The following IL1RAPL2 variants were observed in gnomAD, a reference collection of about 807,000 sequenced individuals.
The protein encoded by IL1RAPL2 is X-linked interleukin-1 receptor accessory protein-like 2.
Under a neutral mutation model 44.1 loss-of-function variants are expected in IL1RAPL2, and 3 were observed. The observed-to-expected ratio is 0.07, with a 90% CI of 0.03 to 0.18. IL1RAPL2 has a LOEUF of 0.18. Among genes scored for constraint, IL1RAPL2 ranks in the 10% least tolerant of loss-of-function variants. The pLI, the probability that IL1RAPL2 is intolerant of heterozygous loss-of-function variation, is 1.00. For synonymous variants in IL1RAPL2, 181 were observed against 178.8 expected (o/e 1.01, Z -0.10); for missense variants, 391 against 496.4 (o/e 0.79, Z 2.02).
At chrX:104,690,581 T>C (rs1203792937) in intron 2 of IL1RAPL2, among the ~76,000 whole-genome samples, 1 of 112,430 alleles carries the variant, frequency 8.9e-6, no homozygotes, top group African/African-American at 3.2e-5. Flanking sequence ...CTGTCCTCCT[T>C]AAGAGGCAAC....
chrX:104,766,717 G>T (rs1932560805), intron 2 of IL1RAPL2, among the ~76,000 whole-genome samples: 1 of 112,419 alleles, frequency 8.9e-6, no homozygotes, highest in Non-Finnish European at 1.9e-5. Context: ...AAGATTCAAA[G>T]ATAAGGAATC....
chrX:104,877,209 T>A (rs2147655898), intron 2 of IL1RAPL2, among the ~76,000 whole-genome samples: 1 of 111,726 alleles, frequency 9.0e-6, no homozygotes, highest in Admixed American at 9.5e-5. Flanking sequence ...TGTGTCTTTA[T>A]AGCAGCATGA....
In IL1RAPL2 at chrX:104,655,016, T is replaced by C. The variant is rs776620184; in HGVS notation, c.-19-3879T>C. 1.9e-3 allele frequency among the ~76,000 whole-genome samples: 207 copies of C among 111,740 alleles called. 1 individual carries two copies. Among genetic ancestry groups the C allele is most frequent in the African/African-American group, 6.3e-3 (195 of 30,734 alleles). On this transcript the variant is annotated intron_variant, in intron 1 of 10. Coordinates refer to ENST00000372582, the MANE Select transcript of IL1RAPL2 (RefSeq NM_017416.2). ...TAGGAATGTTTGTGATTTTTGTACA[T>C]TGATTTTGTGTCCTGAGACTTTGCT... is the stretch of plus-strand genomic sequence containing the variant.
intron 6 of IL1RAPL2, among the ~76,000 whole-genome samples, chrX:105,664,486 G>T (rs973894192): frequency 1.2e-4 from 13 of 111,763 alleles, no homozygotes; most frequent in African/African-American, 3.9e-4. Context: ...CAACAAGAAG[G>T]CCTGGACAAT....
At position 104,916,993 on chromosome X, in the gene IL1RAPL2, G is replaced by T. The variant is rs1376450159; in HGVS notation, c.82+257998G>T. Among the ~76,000 whole-genome samples, 9 of 111,639 alleles carry T rather than the reference G, an allele frequency of 8.1e-5. No individual in the cohort carries two copies. In the Admixed American group the frequency reaches 8.6e-4, roughly 11 times the overall value. On this transcript the variant is annotated intron_variant, in intron 2 of 10. Coordinates refer to ENST00000372582, the MANE Select transcript of IL1RAPL2 (RefSeq NM_017416.2). The stretch of plus-strand genomic sequence containing the variant: ...TGCCAGTATTTTATTGAGGATTTTT[G>T]CATTGATGTTCATCAAAGATATTGG...
At chrX:104,592,118 C>T (rs1928677795) in intron 1 of IL1RAPL2, among the ~76,000 whole-genome samples, 1 of 81,540 alleles carries the variant, frequency 1.2e-5, no homozygotes, top group South Asian at 6.5e-4. Flanking sequence ...TTAGAAGATG[C>T]CATATGATTT....
chrX:105,624,571 T>C (rs2037440850), intron 6 of IL1RAPL2, among the ~76,000 whole-genome samples: 1 of 111,697 alleles, frequency 9.0e-6, no homozygotes, highest in African/African-American at 3.3e-5. Flanking sequence ...ACATAAGTAT[T>C]GAAGAAAAGG....
chrX:105,163,244 T>C (rs984346656), intron 2 of IL1RAPL2, among the ~76,000 whole-genome samples: 3 of 111,971 alleles, frequency 2.7e-5, no homozygotes, highest in African/African-American at 6.5e-5. Flanking sequence ...AGAAAAAGTT[T>C]ACTGATTCCT....
At chrX:104,962,216 T>C (rs2030022121) in intron 2 of IL1RAPL2, among the ~76,000 whole-genome samples, 1 of 112,237 alleles carries the variant, frequency 8.9e-6, no homozygotes, top group Admixed American at 9.5e-5. Context: ...TTTCCTAGTG[T>C]AGGCTCAAAA....
intron 2 of IL1RAPL2, among the ~76,000 whole-genome samples, chrX:104,952,642 A>T (rs1303346200): frequency 8.9e-6 from 1 of 111,739 alleles, no homozygotes; most frequent in Non-Finnish European, 1.9e-5. Flanking sequence ...TATATACTAG[A>T]TTATATGGTA....
In IL1RAPL2 at chrX:105,082,048, T is replaced by C. The variant is rs182548708; in HGVS notation, c.83-113427T>C. On this transcript the variant is annotated intron_variant, in intron 2 of 10. Coordinates refer to ENST00000372582, the MANE Select transcript of IL1RAPL2 (RefSeq NM_017416.2). ...TTTGTTGGAATAGTTGCAGAAGAAA[T>C]GGTACCAGCTCCTCTTTGTACTTCT... Among the ~76,000 whole-genome samples the C allele has an allele frequency of 6.3e-5, 7 of 111,838 alleles. No individual in the cohort carries two copies. The Admixed American group carries it at 6.7e-4, about 11-fold the overall frequency.
chrX:105,323,869 C>G (rs2034914917), intron 5 of IL1RAPL2, among the ~76,000 whole-genome samples: 1 of 101,822 alleles, frequency 9.8e-6, no homozygotes, highest in South Asian at 3.9e-4. Context: ...GAGTGAGACT[C>G]TGTCACACAC....
intron 6 of IL1RAPL2, among the ~76,000 whole-genome samples, chrX:105,487,091 CAAAAAAAA>C (rs397896906): frequency 5.2e-5 from 2 of 38,339 alleles, no homozygotes; most frequent in Non-Finnish European, 1.1e-4. Flanking sequence ...GACTCCATCT[CAAAAAAAA>C]AAAAAAAAAA....
chrX:104,678,780 A>C (rs1435383643), intron 2 of IL1RAPL2, among the ~76,000 whole-genome samples: 2 of 111,043 alleles, frequency 1.8e-5, no homozygotes, highest in Non-Finnish European at 3.8e-5. Context: ...ACAAGGAGAA[A>C]ACATGGACAC....
chrX:105,320,145 G>A (rs762349094), intron 5 of IL1RAPL2, among the ~76,000 whole-genome samples: 1 of 111,085 alleles, frequency 9.0e-6, no homozygotes, highest in East Asian at 2.8e-4. Flanking sequence ...AAAAATATAG[G>A]GAAGCATCAG....
chrX:105,552,329 G>A (rs1388786830), intron 6 of IL1RAPL2, among the ~76,000 whole-genome samples: 1 of 111,758 alleles, frequency 8.9e-6, no homozygotes, highest in African/African-American at 3.3e-5. Context: ...ATGTTAAGTC[G>A]TATTCTTAAA....
intron 5 of IL1RAPL2, among the ~76,000 whole-genome samples, chrX:105,307,896 A>G (rs1265744386): frequency 5.6e-5 from 6 of 106,756 alleles, no homozygotes; most frequent in African/African-American, 2.1e-4. Context: ...TTTATGATGC[A>G]ACAAGCTGTT....
In IL1RAPL2 at chrX:104,698,640, T is replaced by G. The variant is rs147750736; in HGVS notation, c.82+39645T>G. Among the ~76,000 whole-genome samples, 157 of 112,217 alleles carry G rather than the reference T, an allele frequency of 1.4e-3. No homozygotes were observed. In the East Asian group the frequency reaches 0.037, roughly 26 times the overall value. On this transcript the variant is annotated intron_variant, in intron 2 of 10. Coordinates refer to ENST00000372582, the MANE Select transcript of IL1RAPL2 (RefSeq NM_017416.2). ...TGGTTGGGAGGGTCAGGAAAATGCC[T>G]TCGGAAAGCAAGGATATTGGAACAA...
intron 1 of IL1RAPL2, among the ~76,000 whole-genome samples, chrX:104,572,814 G>A (rs1390045302): frequency 9.0e-6 from 1 of 111,242 alleles, no homozygotes; most frequent in Non-Finnish European, 1.9e-5. Flanking sequence ...TGTTGCCCAC[G>A]CTGGTCTTGA....
Sources: allele counts gnomAD v4.1 joint callset (sites outside exome capture counted in the v4.1 genomes callset), GRCh38; gene constraint gnomAD v4.1.1; transcripts MANE v1.5; gene names NCBI Gene and HGNC (gene_info 2026-07-23, HGNC 2026-07-21).